The following TBC1D16 variants were observed in gnomAD, a reference collection of about 807,000 sequenced individuals.
The protein encoded by TBC1D16 is TBC1 domain family member 16.
In TBC1D16, 58 loss-of-function variants were observed where a neutral mutation model predicts 74.7. The observed-to-expected ratio is 0.78, with a 90% CI of 0.63 to 0.97. The LOEUF is 0.97. TBC1D16 is among the 50% of genes least tolerant of loss of function. The pLI is 0.00. For missense variants in TBC1D16, 1,014 were observed against 1,079.5 expected (o/e 0.94, Z 0.85); for synonymous variants, 493 against 474.7 (o/e 1.04, Z -0.50).
At chr17:80,033,777 C>T (rs2036851864) in intron 1 of TBC1D16, among the ~76,000 whole-genome samples, 1 of 152,240 alleles carries the variant, frequency 6.6e-6, no homozygotes, top group Non-Finnish European at 1.5e-5. Flanking sequence ...TCTGCAAACT[C>T]AATGGCTTTA....
rs2034902302 is a variant in TBC1D16, at chr17:79,987,869, T to C, written c.779+22291A>G. Among the ~76,000 whole-genome samples the C allele has an allele frequency of 7.5e-6, 1 of 133,444 alleles. No individual in the cohort carries two copies. The highest frequency in any genetic ancestry group is 1.6e-5 in the Non-Finnish European group (1 of 63,914). 87.5% of individuals were successfully genotyped at this position (133,444 alleles called of 152,430 possible). A position where few individuals can be genotyped will look rare whatever the true frequency, so the allele number is the denominator to read the frequency against. ...CTTTTAAAGCAGACAAACACATGAG[T>C]GCTGGGTGGGGGCGGGGTGCTGGGA... On this transcript the variant is annotated intron_variant, in intron 3 of 11. Transcript: ENST00000310924. This position sits in a 1 kb window ranked among gnomAD's most constrained non-coding sequence, Gnocchi z 5.2.
rs767496511 is a variant in TBC1D16, at chr17:79,988,190, C to A, written c.779+21970G>T. Among the ~76,000 whole-genome samples the A allele has an allele frequency of 6.6e-6, 1 of 152,238 alleles. No individual in the cohort carries two copies. Among genetic ancestry groups the A allele is most frequent in the Non-Finnish European group, 1.5e-5 (1 of 68,050 alleles). On this transcript the variant is annotated intron_variant, in intron 3 of 11. Coordinates refer to ENST00000310924, the MANE Select transcript of TBC1D16 (RefSeq NM_019020.4). This position sits in a 1 kb window ranked among gnomAD's most constrained non-coding sequence, Gnocchi z 5.7. ...ACTAGTTTGGATGCTTCCCCTGACG[C>A]CTACCTGGGAGGTGCTTGCCTGGCC... is the stretch of plus-strand genomic sequence containing the variant.
rs182471959 is a variant in TBC1D16 at position 79,933,224 on chromosome 17, G to A, written c.*7635C>T. ...CAGGTCTGGACTTCTCTGGGTGGAT[G>A]TGAGGGAGGGTGATTGAACTGGAGG... On this transcript the variant is annotated 3_prime_UTR_variant, in exon 12 of 12. Coordinates refer to ENST00000310924, the MANE Select transcript of TBC1D16 (RefSeq NM_019020.4). The A allele has an allele frequency of 6.6e-6, 1 of 152,358 alleles. No individual in the cohort carries two copies. Among genetic ancestry groups the A allele is most frequent in the East Asian group, 1.9e-4 (1 of 5,180 alleles). 9.4% of individuals were successfully genotyped at this position (152,358 alleles called of 1,614,324 possible). A position where few individuals can be genotyped will look rare whatever the true frequency, so the allele number is the denominator to read the frequency against.
At chr17:79,959,056 T>A (rs1364838718) in intron 3 of TBC1D16, among the ~76,000 whole-genome samples, 1 of 152,144 alleles carries the variant, frequency 6.6e-6, no homozygotes, top group African/African-American at 2.4e-5. Flanking sequence ...AACTGCAGGA[T>A]AAAAGGTTAA....
rs943458230 is a variant in TBC1D16, at chr17:79,944,945, G to A, written c.1871C>T (p.Ala624Val). Residue 624 changes from alanine to valine, a missense_variant, in exon 10 of 12, where the codon GCG (alanine) becomes GTG (valine). Transcript: ENST00000310924. This position sits in a 1 kb window ranked among gnomAD's most constrained non-coding sequence, Gnocchi z 7.7. The part of the protein sequence containing the change: ...CFKREFPEAE[A>V]LRIWEACWAH... ...CCAGCAGGCCTCCCAGATCCGCAGC[G>A]CTTCGGCCTCGGGGAACTCCCGCTT... 71 of 1,553,738 alleles carry A rather than the reference G, an allele frequency of 4.6e-5. No individual in the cohort carries two copies. The highest frequency in any genetic ancestry group is 5.5e-5 in the Non-Finnish European group (63 of 1,148,564).
intron 10 of TBC1D16, chr17:79,943,988 G>A: frequency 1.3e-6 from 2 of 1,527,986 alleles, no homozygotes; most frequent in East Asian, 4.9e-5. Context: ...ACGTCCAGCA[G>A]GCTGAGCCAG....
At chr17:80,002,075 G>A (rs1157454216) in intron 3 of TBC1D16, among the ~76,000 whole-genome samples, 1 of 152,172 alleles carries the variant, frequency 6.6e-6, no homozygotes, top group Non-Finnish European at 1.5e-5. Flanking sequence ...AAACGCAGAA[G>A]GGATCCGGAA....
intron 7 of TBC1D16, among the ~76,000 whole-genome samples, 188 bp from the exon 8 acceptor site, chr17:79,949,194 G>C (rs2032826280): frequency 6.6e-6 from 1 of 152,238 alleles, no homozygotes; most frequent in Non-Finnish European, 1.5e-5. Context: ...GGCTCTCCTT[G>C]ATATTAACTC....
Position 79,956,328 on chromosome 17 carries a change from A to T in TBC1D16, c.780-3510T>A, listed in dbSNP as rs1191226672. Among the ~76,000 whole-genome samples, 1 of 152,144 alleles carries T rather than the reference A, an allele frequency of 6.6e-6. No individual in the cohort carries two copies. Among genetic ancestry groups the T allele is most frequent in the East Asian group, 1.9e-4 (1 of 5,200 alleles). On this transcript the variant is annotated intron_variant, in intron 3 of 11. Coordinates refer to ENST00000310924, the MANE Select transcript of TBC1D16 (RefSeq NM_019020.4). This position sits in a 1 kb window ranked among gnomAD's most constrained non-coding sequence, Gnocchi z 4.0. ...AAGTGCGGTGGTGCAAACACAACTC[A>T]CCGCAGCCTCAGCCTCCGGGGCTCA... is the stretch of plus-strand genomic sequence containing the variant.
chr17:79,953,020 G>A (rs1293231394), intron 3 of TBC1D16: 3 of 471,330 alleles, frequency 6.4e-6, no homozygotes, highest in South Asian at 1.2e-4. Context: ...CACTTGGATG[G>A]GAAAGCATTT....
At position 79,994,617 on chromosome 17, in the gene TBC1D16, T is replaced by C. The variant is rs922357731; in HGVS notation, c.779+15543A>G. Among the ~76,000 whole-genome samples, 7 of 152,108 alleles carry C rather than the reference T, an allele frequency of 4.6e-5. No homozygotes were observed. The highest frequency in any genetic ancestry group is 1.7e-4 in the African/African-American group (7 of 41,406). On this transcript the variant is annotated intron_variant, in intron 3 of 11. Transcript: ENST00000310924. The surrounding 1 kb of genome is among the most constrained non-coding windows in gnomAD (Gnocchi z 4.6). ...TTTTGTATTTTTAATAGAGACAGGG[T>C]TTCACCATGTTGGCCAGGCTTGTCT...
At chr17:79,978,296 GC>G (rs1236612952) in intron 3 of TBC1D16, among the ~76,000 whole-genome samples, 1 of 152,258 alleles carries the variant, frequency 6.6e-6, no homozygotes, top group Non-Finnish European at 1.5e-5. Context: ...CTCCGCTCCG[GC>G]GATTAACTCT....
In TBC1D16 at chr17:79,945,087, G is replaced by A. The variant is rs1470759779; in HGVS notation, c.1729C>T (p.Leu577=). 2 of 1,577,990 alleles carry A rather than the reference G, an allele frequency of 1.3e-6. No individual in the cohort carries two copies. Among genetic ancestry groups the A allele is most frequent in the African/African-American group, 1.3e-5 (1 of 74,568 alleles). The change falls in exon 10 of 12, where the codon CTG becomes TTG. Residue 577 remains leucine, a splice_region_variant and synonymous_variant. Coordinates refer to ENST00000310924, the MANE Select transcript of TBC1D16 (RefSeq NM_019020.4). The part of the protein sequence containing the change: ...PRDEDMEKQL[L]YLRELLRLTH... ...AGCCGCAGCAGCTCGCGCAGGTACAGCTGGGGGTGAGGCCGTCACGCGTTA... is the reference window on the plus strand; with the variant it reads ...AGCCGCAGCAGCTCGCGCAGGTACAACTGGGGGTGAGGCCGTCACGCGTTA...
rs1368902701 is a variant in TBC1D16 at position 79,988,764 on chromosome 17, T to G, written c.779+21396A>C. ...AAACTTAGAAGGCCCCTGCTTGTTT[T>G]ATCAGTTAGAGCCACAGAAAATCAA... is the stretch of plus-strand genomic sequence containing the variant. On this transcript the variant is annotated intron_variant, in intron 3 of 11. Coordinates refer to ENST00000310924, the MANE Select transcript of TBC1D16 (RefSeq NM_019020.4). The surrounding 1 kb of genome is among the most constrained non-coding windows in gnomAD (Gnocchi z 5.7). Among the ~76,000 whole-genome samples the G allele has an allele frequency of 1.3e-5, 2 of 152,254 alleles. No homozygotes were observed. The highest frequency in any genetic ancestry group is 3.8e-4 in the East Asian group (2 of 5,202).
intron 1 of TBC1D16, among the ~76,000 whole-genome samples, chr17:80,029,898 T>C (rs1359343734): frequency 6.6e-6 from 1 of 151,986 alleles, no homozygotes; most frequent in Non-Finnish European, 1.5e-5. Context: ...GAGAGTCTGT[T>C]TTCTTGCTTT....
chr17:79,970,047 C>G (rs1215438334), intron 3 of TBC1D16, among the ~76,000 whole-genome samples: 1 of 152,184 alleles, frequency 6.6e-6, no homozygotes. Flanking sequence ...TGCCCATCAA[C>G]TGATGACCAG....
intron 3 of TBC1D16, among the ~76,000 whole-genome samples, chr17:79,973,077 G>A (rs139809177): frequency 8.8e-4 from 134 of 152,272 alleles, no homozygotes; most frequent in African/African-American, 2.8e-3. Flanking sequence ...GCGAGACTTC[G>A]TCTCAAAACA....
At chr17:79,951,834 G>A (rs920073035) in intron 4 of TBC1D16, among the ~76,000 whole-genome samples, 1 of 152,130 alleles carries the variant, frequency 6.6e-6, no homozygotes, top group Non-Finnish European at 1.5e-5. Flanking sequence ...CTCCTCTCTG[G>A]AGACCTGCCA....
At chr17:79,999,193 T>C (rs910131078) in intron 3 of TBC1D16, among the ~76,000 whole-genome samples, 1 of 151,418 alleles carries the variant, frequency 6.6e-6, no homozygotes, top group African/African-American at 2.4e-5. Context: ...GAGGTGGAGG[T>C]TGCAGTGAGC....
Sources: allele counts gnomAD v4.1 joint callset (sites outside exome capture counted in the v4.1 genomes callset), GRCh38; gene constraint gnomAD v4.1.1; non-coding constraint Gnocchi (gnomAD v3.1); transcripts MANE v1.5; gene names NCBI Gene and HGNC (gene_info 2026-07-23, HGNC 2026-07-21).